Variants in DENND1A observed in about 807,000 individuals in gnomAD.
DENND1A encodes DENN domain containing 1A.
DENND1A carries 51 observed loss-of-function variants against 113.7 expected under a neutral mutation model. The ratio of observed to expected loss-of-function variants is 0.45; its 90% confidence interval spans 0.36 to 0.57. DENND1A has a LOEUF of 0.57. Among genes scored for constraint, DENND1A ranks in the 20% least tolerant of loss-of-function variants. The pLI is 0.00. For synonymous variants in DENND1A, 565 were observed against 570.8 expected, an observed-to-expected ratio of 0.99 and a Z score of 0.14; for missense variants, 1,258 against 1,395.9, an observed-to-expected ratio of 0.90 and a Z score of 1.57.
chr9:123,906,149 T>C (rs1191527431), intron 1 of DENND1A, among the ~76,000 whole-genome samples: 1 of 151,450 alleles, frequency 6.6e-6, no homozygotes, highest in Non-Finnish European at 1.5e-5. Context: ...AAGATGTTCT[T>C]TGAAACCAAC....
intron 19 of DENND1A, among the ~76,000 whole-genome samples, chr9:123,431,141 T>C (rs575802897): frequency 3.4e-4 from 52 of 152,364 alleles, no homozygotes; most frequent in African/African-American, 1.2e-3. Context: ...TAACTAAATG[T>C]AGACACTGCT....
intron 21 of DENND1A, among the ~76,000 whole-genome samples, chr9:123,394,747 C>T (rs2043030263): frequency 1.3e-5 from 2 of 152,158 alleles, no homozygotes; most frequent in Non-Finnish European, 2.9e-5. Flanking sequence ...TCAGGCTCTG[C>T]GGTGGAGGGA....
intron 1 of DENND1A, among the ~76,000 whole-genome samples, chr9:123,903,783 C>T (rs1050036891): frequency 2.6e-5 from 4 of 152,152 alleles, no homozygotes; most frequent in South Asian, 2.1e-4. Flanking sequence ...AAGGCGGCAG[C>T]GAGGCTGGGG....
intron 5 of DENND1A, among the ~76,000 whole-genome samples, chr9:123,715,669 G>T (rs1030374061): frequency 6.6e-6 from 1 of 151,902 alleles, no homozygotes; most frequent in African/African-American, 2.4e-5. Flanking sequence ...CACTGGATCT[G>T]TTTTTTATTG....
intron 13 of DENND1A, among the ~76,000 whole-genome samples, chr9:123,466,826 G>A (rs1016931631): frequency 4.6e-5 from 7 of 151,884 alleles, no homozygotes; most frequent in Admixed American, 3.9e-4. Context: ...CTTGAGCCCA[G>A]GAGTTTGAGA....
intron 1 of DENND1A, chr9:123,928,445 G>C: frequency 5.3e-6 from 3 of 567,644 alleles, no homozygotes; most frequent in Non-Finnish European, 6.7e-6. Context: ...AAACTTGAGT[G>C]CCTCTTTAAT....
chr9:123,738,469 G>GTGTGTGTGTC (rs1489869214), intron 5 of DENND1A, among the ~76,000 whole-genome samples: 1 of 151,648 alleles, frequency 6.6e-6, no homozygotes, highest in African/African-American at 2.4e-5. Context: ...GTGTGTGTGT[G>GTGTGTGTGTC]TGTGTGTGTG....
chr9:123,597,468 T>C (rs1057273348), intron 11 of DENND1A, among the ~76,000 whole-genome samples: 2 of 152,160 alleles, frequency 1.3e-5, no homozygotes, highest in Admixed American at 6.5e-5. Context: ...GCCCTCACAG[T>C]CCTTAACAAC....
chr9:123,910,372 C>T lies in DENND1A; in HGVS notation c.17+19517G>A, dbSNP rs76434182. ...CATTGAAATTGAGTGGGAAAAGAAT[C>T]GTCTTGATAAATGTTAAGTCAAATG... On this transcript the variant is annotated intron_variant, in intron 1 of 23. Coordinates refer to ENST00000394215, the MANE Select transcript of DENND1A (RefSeq NM_001352964.2). Among the ~76,000 whole-genome samples, 867 of 152,164 alleles carry T rather than the reference C, an allele frequency of 5.7e-3. 2 individuals are homozygous for T. The highest frequency in any genetic ancestry group is 8.9e-3 in the Non-Finnish European group (605 of 67,992).
intron 20 of DENND1A, among the ~76,000 whole-genome samples, chr9:123,403,803 T>A (rs1453378552): frequency 1.3e-5 from 2 of 152,190 alleles, no homozygotes; most frequent in African/African-American, 2.4e-5. Context: ...TGAGATGATG[T>A]CTACATAGGA....
chr9:123,439,824 A>T (rs2046794402), intron 19 of DENND1A: 1 of 152,262 alleles, frequency 6.6e-6, no homozygotes, highest in Non-Finnish European at 1.5e-5. Flanking sequence ...AAAAAAATTA[A>T]ATAGACAATT....
At chr9:123,557,138 T>C (rs972618275) in intron 13 of DENND1A, among the ~76,000 whole-genome samples, 9 of 152,230 alleles carry the variant, frequency 5.9e-5, no homozygotes, top group African/African-American at 1.9e-4. Context: ...CGAGGCCCAG[T>C]GGGAAAGCAG....
chr9:123,540,445 C>A (rs1028829458), intron 13 of DENND1A, among the ~76,000 whole-genome samples: 3 of 152,074 alleles, frequency 2.0e-5, no homozygotes, highest in Non-Finnish European at 4.4e-5. Context: ...GAGGAGGTGG[C>A]AGCATTTTTA....
intron 5 of DENND1A, among the ~76,000 whole-genome samples, chr9:123,749,903 G>C (rs1380647591): frequency 1.3e-5 from 2 of 152,192 alleles, no homozygotes; most frequent in Non-Finnish European, 2.9e-5. Flanking sequence ...GTAAGGTTTA[G>C]AATTCACTCC....
At chr9:123,637,186 G>T (rs2061750872) in intron 9 of DENND1A, among the ~76,000 whole-genome samples, 1 of 152,146 alleles carries the variant, frequency 6.6e-6, no homozygotes, top group Admixed American at 6.5e-5. Context: ...GAGGCATTTG[G>T]ATTTCCCCTC....
chr9:123,728,294 A>G (rs747637051), intron 5 of DENND1A, among the ~76,000 whole-genome samples: 26 of 151,582 alleles, frequency 1.7e-4, no homozygotes, highest in Non-Finnish European at 3.1e-4. Flanking sequence ...TCTGACCAAC[A>G]TGGAGAAACC....
rs753854573 is a variant in DENND1A at position 123,609,495 on chromosome 9, C to G, written c.720-14G>C. 6.2e-7 allele frequency: 1 copy of G among 1,611,678 alleles called. No homozygotes were observed. Among genetic ancestry groups the G allele is most frequent in the East Asian group, 2.2e-5 (1 of 44,790 alleles). On this transcript the variant is annotated splice_polypyrimidine_tract_variant and intron_variant, in intron 10 of 23. Transcript: ENST00000394215. Reference sequence around the variant, plus strand: ...GGCATGGGAGCACTGTGAAGAGAAACAGAGACACACAGCTGCTTTAATGTC... The same window carrying G: ...GGCATGGGAGCACTGTGAAGAGAAAGAGAGACACACAGCTGCTTTAATGTC...
chr9:123,466,357 C>T (rs116933125), intron 13 of DENND1A, among the ~76,000 whole-genome samples: 8,358 of 151,508 alleles, frequency 0.055, 312 homozygotes, highest in Non-Finnish European at 0.081. Flanking sequence ...AAGAGAGCAG[C>T]GATGTGATCT....
At chr9:123,925,720 G>T (rs1425492753) in intron 1 of DENND1A, among the ~76,000 whole-genome samples, 5 of 152,176 alleles carry the variant, frequency 3.3e-5, no homozygotes, top group African/African-American at 9.7e-5. Flanking sequence ...ATGAATAAAT[G>T]GATAAATTTC....
Sources: gnomAD v4.1 joint callset for allele counts (sites outside exome capture counted in the v4.1 genomes callset) on GRCh38, gnomAD v4.1.1 for gene constraint, MANE v1.5 for transcripts, NCBI Gene and HGNC (gene_info 2026-07-23, HGNC 2026-07-21) for gene names.